The following ADAMTSL5 variants were observed in gnomAD, a reference collection of about 807,000 sequenced individuals.
ADAMTSL5 encodes ADAMTS like 5.
A neutral mutation model predicts 51.7 loss-of-function variants in ADAMTSL5; 53 were observed. The observed-to-expected ratio is 1.03, with a 90% CI of 0.82 to 1.29. The LOEUF (loss-of-function observed/expected upper bound fraction) is 1.29, where lower values mean the gene tolerates loss of function less well. Among genes scored for constraint, ADAMTSL5 ranks in the 50% most tolerant of loss-of-function variants. The pLI, the probability that ADAMTSL5 is intolerant of heterozygous loss-of-function variation, is 0.00. For synonymous variants in ADAMTSL5, 285 were observed against 278.7 expected (o/e 1.02, Z -0.23); for missense variants, 770 against 676.2 (o/e 1.14, Z -1.54).
intron 6 of ADAMTSL5, 85 bp from the exon 7 acceptor site, chr19:1,508,194 C>A: frequency 7.0e-7 from 1 of 1,434,762 alleles, no homozygotes; most frequent in South Asian, 1.3e-5. Context: ...AGCAAGAGGA[C>A]GAGGCCTGGA....
Position 1,511,018 on chromosome 19 carries a change from AACCTCTCTGAGCCCT to A in ADAMTSL5, c.-90_-76del. ...GCTGTGTGATCTTGGAAAGTAACTA[AACCTCTCTGAGCCCT>A]ACCTCTCGTCTCTGAAAAACGGGGT... is the stretch of plus-strand genomic sequence containing the variant. On this transcript the variant is annotated 5_prime_UTR_variant, in exon 2 of 12. Coordinates refer to ENST00000330475, the MANE Select transcript of ADAMTSL5 (RefSeq NM_213604.3). The A allele has an allele frequency of 3.5e-6, 4 of 1,135,996 alleles. No homozygotes were observed. Among genetic ancestry groups the A allele is most frequent in the Non-Finnish European group, 4.6e-6 (4 of 863,694 alleles). The allele number at this position is 1,135,996 out of a possible 1,614,324, so 70.4% of individuals were successfully genotyped here.
At chr19:1,508,206 G>A (rs1913064314) in intron 6 of ADAMTSL5, 97 bp from the exon 7 acceptor site, 1 of 1,365,266 alleles carries the variant, frequency 7.3e-7, no homozygotes, top group Non-Finnish European at 1.0e-6. Flanking sequence ...AGGCCTGGAG[G>A]GAAGATGGGG....
rs748702284 is a variant in ADAMTSL5 at position 1,510,953 on chromosome 19, G to A, written c.-10C>T. ...GAGGGGCCGAGTCCATAGAGCCACCGCCAGAGACACAGGGTTGTGTCCCGG... is the reference window on the plus strand; with the variant it reads ...GAGGGGCCGAGTCCATAGAGCCACCACCAGAGACACAGGGTTGTGTCCCGG... On this transcript the variant is annotated 5_prime_UTR_variant, in exon 2 of 12. Transcript: ENST00000330475. 23 of 1,415,240 alleles carry A rather than the reference G, an allele frequency of 1.6e-5. No individual in the cohort carries two copies. The African/African-American group carries it at 1.7e-4, about 10-fold the overall frequency. 87.7% of individuals were successfully genotyped at this position (1,415,240 alleles called of 1,614,324 possible).
Position 1,505,852 on chromosome 19 carries a change from T to C in ADAMTSL5, c.*163A>G, listed in dbSNP as rs1912887884. Reference sequence around the variant, plus strand: ...GCTTGTGACAGTGGCTTTGACTGCATGCAGAGGTGTCTTAAGCGTGTGTGG... The same window carrying C: ...GCTTGTGACAGTGGCTTTGACTGCACGCAGAGGTGTCTTAAGCGTGTGTGG... On this transcript the variant is annotated 3_prime_UTR_variant, in exon 12 of 12. Transcript: ENST00000330475. 3.4e-6 allele frequency: 3 copies of C among 891,492 alleles called. No individual in the cohort carries two copies. Among genetic ancestry groups the C allele is most frequent in the South Asian group, 4.0e-5 (2 of 50,234 alleles). 55.2% of individuals were successfully genotyped at this position (891,492 alleles called of 1,614,324 possible). A position where few individuals can be genotyped will look rare whatever the true frequency, so the allele number is the denominator to read the frequency against.
intron 3 of ADAMTSL5, 44 bp from the exon 4 acceptor site, chr19:1,510,472 C>T (rs996173309): frequency 1.3e-5 from 20 of 1,563,544 alleles, no homozygotes; most frequent in Non-Finnish European, 1.7e-5. Context: ...GGGACCCCCT[C>T]CCAGGGCTGG....
intron 6 of ADAMTSL5, 107 bp from the exon 7 acceptor site, chr19:1,508,216 G>T: frequency 2.2e-6 from 3 of 1,336,586 alleles, no homozygotes; most frequent in Admixed American, 2.1e-5. Flanking sequence ...GGAAGATGGG[G>T]GTGGAGCCTA....
Position 1,510,862 on chromosome 19 carries a change from A to T in ADAMTSL5, c.82T>A (p.Leu28Met). ...CCCCTTACCTGAGCACTGACCCCCA[A>T]ACCACAGTTCAGCAGGGCCCACAGG... ...LFLWALLNCG[L>M]GVSAQGPGEW... Residue 28 changes from leucine to methionine, a missense_variant, in exon 2 of 12, where the codon TTG (leucine) becomes ATG (methionine). Transcript: ENST00000330475. The T allele has an allele frequency of 1.9e-6, 3 of 1,542,528 alleles. No homozygotes were observed. Among genetic ancestry groups the T allele is most frequent in the Non-Finnish European group, 2.6e-6 (3 of 1,151,564 alleles).
Position 1,508,540 on chromosome 19 carries a change from G to C in ADAMTSL5, c.392C>G (p.Ala131Gly). 6.3e-7 allele frequency: 1 copy of C among 1,579,760 alleles called. No individual in the cohort carries two copies. The highest frequency in any genetic ancestry group is 8.5e-7 in the Non-Finnish European group (1 of 1,170,420). ...GCTGTGGTAGAAGGCGTGCCCCTCA[G>C]CCAGGCAGTTGAGGTCGCACTGGTT... is the stretch of plus-strand genomic sequence containing the variant. The part of the protein sequence containing the change: ...APNQCDLNCL[A>G]EGHAFYHSFG... Residue 131 changes from alanine (A) to glycine (G), a missense_variant, in exon 6 of 12, where the codon GCT becomes GGT. Transcript: ENST00000330475.
At position 1,507,393 on chromosome 19, in the gene ADAMTSL5, C is replaced by A. The variant is rs141123035; in HGVS notation, c.701G>T (p.Gly234Val). Residue 234 changes from glycine (G) to valine (V), a missense_variant, in exon 9 of 12, where the codon GGC becomes GTC. Gly to Val is a moderately radical substitution (Grantham distance 109, BLOSUM62 -3). Transcript: ENST00000330475. ...CCCATTAAGCACGTAGCGCCCATCG[C>A]CCCCCATCAGTGCTGCAAGGGAACA... ...RSRNHLALMG[G>V]DGRYVLNGHW... 55 of 1,574,740 alleles carry A rather than the reference C, an allele frequency of 3.5e-5. No homozygotes were observed. The highest frequency in any genetic ancestry group is 1.2e-4 in the African/African-American group (9 of 73,984).
Position 1,508,444 on chromosome 19 carries a change from A to G in ADAMTSL5, c.488T>C (p.Leu163Pro). ...GGGCGGGGCCTGACGAGTCCTTACA[A>G]GGCAGCGGCCAGCCACGCAGACCCC... ...AQGVCVAGRC[L>P]SAGCDGLLGS... Residue 163 changes from leucine to proline, a missense_variant and splice_region_variant, in exon 6 of 12, where the codon CTT (leucine) becomes CCT (proline). Leu to Pro is a moderately conservative substitution (Grantham distance 98, BLOSUM62 -3). Transcript: ENST00000330475. The G allele has an allele frequency of 1.9e-6, 3 of 1,551,758 alleles. No homozygotes were observed. The highest frequency in any genetic ancestry group is 2.4e-5 in the East Asian group (1 of 42,160).
chr19:1,507,016 T>C, intron 9 of ADAMTSL5, 88 bp from the exon 10 acceptor site: 1 of 1,402,096 alleles, frequency 7.1e-7, no homozygotes, highest in Non-Finnish European at 9.7e-7. Context: ...CTCCCCACTT[T>C]GATCCTGTCT....
At chr19:1,507,891 G>A (rs919298904) in intron 7 of ADAMTSL5, 107 bp downstream of exon 7, 2 of 1,258,934 alleles carry the variant, frequency 1.6e-6, no homozygotes, top group Non-Finnish European at 2.2e-6. Context: ...GAGAAAGGGG[G>A]GCTGGGCCGC....
At position 1,506,999 on chromosome 19, in the gene ADAMTSL5, C is replaced by A; in HGVS notation, c.853-71G>T. 7.0e-7 allele frequency: 1 copy of A among 1,437,998 alleles called. No homozygotes were observed. Among genetic ancestry groups the A allele is most frequent in the South Asian group, 1.3e-5 (1 of 77,536 alleles). 89.1% of individuals were successfully genotyped at this position (1,437,998 alleles called of 1,614,324 possible). A position where few individuals can be genotyped will look rare whatever the true frequency, so the allele number is the denominator to read the frequency against. On this transcript the variant is annotated intron_variant, in intron 9 of 11. Transcript: ENST00000330475. The surrounding 1 kb of genome is among the most constrained non-coding windows in gnomAD (Gnocchi z 5.6). ...TTGCCTCCTGCCTCTGACCCTACGA[C>A]CCCAGCCTCCCCACTTTGATCCTGT...
Position 1,507,348 on chromosome 19 carries a change from G to C in ADAMTSL5, c.746C>G (p.Pro249Arg), listed in dbSNP as rs774356395. The C allele has an allele frequency of 1.3e-6, 2 of 1,591,810 alleles. No individual in the cohort carries two copies. Among genetic ancestry groups the C allele is most frequent in the Non-Finnish European group, 1.7e-6 (2 of 1,167,942 alleles). Residue 249 changes from proline to arginine, a missense_variant, in exon 9 of 12, where the codon CCA becomes CGA. Coordinates refer to ENST00000330475, the MANE Select transcript of ADAMTSL5 (RefSeq NM_213604.3). ...CGTGCCGGCCGCCTCGTAGGTCCCT[G>C]GTGGGCTGACCACCCAGTGCCCATT... ...VLNGHWVVSP[P>R]GTYEAAGTHV...
chr19:1,511,649 C>T (rs1179376087), intron 1 of ADAMTSL5: 15 of 1,170,064 alleles, frequency 1.3e-5, no homozygotes, highest in Middle Eastern at 4.5e-4. Context: ...TGAGGCCAGC[C>T]ACTCCACTCT....
Position 1,510,963 on chromosome 19 carries a change from C to CA in ADAMTSL5, c.-21dup, listed in dbSNP as rs779150707. On this transcript the variant is annotated 5_prime_UTR_variant, in exon 2 of 12. Transcript: ENST00000330475. ...GTCCATAGAGCCACCGCCAGAGACA[C>CA]AGGGTTGTGTCCCGGCTCTGCCCTG... The CA allele has an allele frequency of 1.8e-4, 249 of 1,407,154 alleles. No homozygotes were observed. Among genetic ancestry groups the CA allele is most frequent in the Non-Finnish European group, 2.1e-4 (230 of 1,080,198 alleles). 87.2% of individuals were successfully genotyped at this position (1,407,154 alleles called of 1,614,324 possible).
chr19:1,511,816 A>T, intron 1 of ADAMTSL5: 1 of 327,004 alleles, frequency 3.1e-6, no homozygotes, highest in Non-Finnish European at 6.2e-6. Flanking sequence ...GGGCTCCCTC[A>T]GCTCCCAGAC....
At chr19:1,509,462 T>G (rs1436977440) in intron 5 of ADAMTSL5, among the ~76,000 whole-genome samples, 1 of 151,960 alleles carries the variant, frequency 6.6e-6, no homozygotes, top group African/African-American at 2.4e-5. Flanking sequence ...CCGACAGCCC[T>G]GATCTCCACT....
chr19:1,508,105 G>A lies in ADAMTSL5; in HGVS notation c.494C>T (p.Ala165Val), dbSNP rs1242594585. The change falls in exon 7 of 12, where the codon GCC becomes GTC. Residue 165 changes from alanine to valine, a missense_variant. Transcript: ENST00000330475. ...GVCVAGRCLS[A>V]GCDGLLGSGA... ...CGAGCCCAACAACCCATCACAGCCG[G>A]CGCTCTAAAGGGTGAAGGACAGGCG... The A allele has an allele frequency of 2.5e-6, 4 of 1,608,570 alleles. No homozygotes were observed. Among genetic ancestry groups the A allele is most frequent in the Admixed American group, 1.7e-5 (1 of 59,482 alleles).
Sources: gnomAD v4.1 joint callset for allele counts (sites outside exome capture counted in the v4.1 genomes callset) on GRCh38, gnomAD v4.1.1 for gene constraint, Gnocchi (gnomAD v3.1) non-coding constraint, MANE v1.5 for transcripts, NCBI Gene and HGNC (gene_info 2026-07-23, HGNC 2026-07-21) for gene names.